Variants in MEF2A observed in about 807,000 individuals in gnomAD.
The protein encoded by MEF2A is myocyte-specific enhancer factor 2A.
Under a neutral mutation model 55.8 loss-of-function variants are expected in MEF2A, and 28 were observed. The observed-to-expected ratio is 0.50, with a 90% CI of 0.37 to 0.69. The LOEUF (loss-of-function observed/expected upper bound fraction) is 0.69, where lower values mean the gene tolerates loss of function less well. Among genes scored for constraint, MEF2A ranks in the 30% least tolerant of loss-of-function variants. MEF2A has a pLI of 0.00. For synonymous variants in MEF2A, 239 were observed against 227.1 expected, an observed-to-expected ratio of 1.05 and a Z score of -0.47; for missense variants, 528 against 626.2, an observed-to-expected ratio of 0.84 and a Z score of 1.67.
intron 2 of MEF2A, among the ~76,000 whole-genome samples, chr15:99,624,163 G>A (rs968151678): frequency 2.6e-5 from 4 of 152,064 alleles, no homozygotes; most frequent in Non-Finnish European, 2.9e-5. Flanking sequence ...TGATAGTGCC[G>A]TTTGATGCAC....
intron 2 of MEF2A, among the ~76,000 whole-genome samples, chr15:99,612,026 G>A (rs2039347139): frequency 6.6e-6 from 1 of 152,166 alleles, no homozygotes; most frequent in Admixed American, 6.5e-5. Flanking sequence ...AGTGGGGAAT[G>A]CCTGCTAATG....
chr15:99,683,833 T>A (rs1211657745), intron 7 of MEF2A, among the ~76,000 whole-genome samples: 1 of 152,036 alleles, frequency 6.6e-6, no homozygotes, highest in Non-Finnish European at 1.5e-5. Flanking sequence ...CTGTACCCAA[T>A]ATGTAGTCTT....
chr15:99,616,412 TC>T (rs1377976374), intron 2 of MEF2A, among the ~76,000 whole-genome samples: 3 of 152,166 alleles, frequency 2.0e-5, no homozygotes, highest in Admixed American at 2.0e-4. Context: ...CTTTAAAATT[TC>T]TTCTGTTTCT....
At chr15:99,711,724 T>G (rs80132761) in intron 11 of MEF2A, among the ~76,000 whole-genome samples, 4,372 of 152,340 alleles carry the variant, frequency 0.029, 99 homozygotes, top group Non-Finnish European at 0.049. Context: ...GTCAGTGGTC[T>G]TCTTAGGAAT....
chr15:99,587,595 T>C (rs1227827548), intron 1 of MEF2A, among the ~76,000 whole-genome samples: 6 of 152,218 alleles, frequency 3.9e-5, no homozygotes, highest in Non-Finnish European at 5.9e-5. Context: ...ATAATTATTT[T>C]TGTATGCCTT....
intron 2 of MEF2A, among the ~76,000 whole-genome samples, chr15:99,601,747 G>A (rs540888509): frequency 3.3e-5 from 5 of 151,390 alleles, no homozygotes; most frequent in African/African-American, 7.3e-5. Flanking sequence ...CTAAAATTGC[G>A]TTGACTCTTT....
intron 3 of MEF2A, among the ~76,000 whole-genome samples, chr15:99,636,144 G>A (rs1472800688): frequency 1.3e-5 from 2 of 152,064 alleles, no homozygotes; most frequent in Non-Finnish European, 2.9e-5. Context: ...TCTAATGAAG[G>A]TGCTCACTTT....
chr15:99,665,040 G>A (rs1347206297), intron 4 of MEF2A, among the ~76,000 whole-genome samples: 1 of 152,180 alleles, frequency 6.6e-6, no homozygotes, highest in African/African-American at 2.4e-5. Flanking sequence ...TATCCACAGG[G>A]TGACAATCAA....
chr15:99,683,580 A>T (rs1290268422), intron 7 of MEF2A, among the ~76,000 whole-genome samples: 4 of 149,398 alleles, frequency 2.7e-5, no homozygotes, highest in East Asian at 2.0e-4. Context: ...CTAATTTAGC[A>T]TTTTTTTTTA....
intron 4 of MEF2A, among the ~76,000 whole-genome samples, chr15:99,669,571 A>G (rs570146586): frequency 1.3e-5 from 2 of 152,368 alleles, no homozygotes; most frequent in Non-Finnish European, 2.9e-5. Context: ...GCCTAGTGCC[A>G]TGGAGAAAAT....
intron 10 of MEF2A, among the ~76,000 whole-genome samples, chr15:99,707,536 G>A (rs559455950): frequency 1.3e-5 from 2 of 152,278 alleles, no homozygotes; most frequent in East Asian, 1.9e-4. Context: ...TACAGTGATC[G>A]TAGGAGTGCT....
At chr15:99,574,841 T>C (rs1200961415) in intron 1 of MEF2A, among the ~76,000 whole-genome samples, 2 of 152,196 alleles carry the variant, frequency 1.3e-5, no homozygotes, top group African/African-American at 4.8e-5. Flanking sequence ...GATGCAAGTT[T>C]ATTTAGTTAA....
chr15:99,675,760 G>A (rs558994836), intron 7 of MEF2A, among the ~76,000 whole-genome samples: 2 of 152,244 alleles, frequency 1.3e-5, no homozygotes, highest in South Asian at 2.1e-4. Context: ...TGTCTTGGCC[G>A]GGCGTCGTGG....
chr15:99,615,666 G>T (rs1392612116), intron 2 of MEF2A, among the ~76,000 whole-genome samples: 2 of 152,164 alleles, frequency 1.3e-5, no homozygotes, highest in African/African-American at 2.4e-5. Flanking sequence ...GCATGCTGCA[G>T]ACCCTGTCCT....
intron 4 of MEF2A, among the ~76,000 whole-genome samples, chr15:99,667,356 G>T (rs963429349): frequency 2.0e-5 from 3 of 152,084 alleles, no homozygotes; most frequent in African/African-American, 7.2e-5. Context: ...GAGTAGCTGG[G>T]ACTACAGGTG....
chr15:99,655,147 G>A (rs1020741929), intron 4 of MEF2A, among the ~76,000 whole-genome samples: 6 of 152,160 alleles, frequency 3.9e-5, no homozygotes, highest in Non-Finnish European at 8.8e-5. Flanking sequence ...GTAATTCAGT[G>A]TGGTATTTGC....
chr15:99,567,858 CTTTAT>C (rs1449360201), intron 1 of MEF2A, among the ~76,000 whole-genome samples: 4 of 152,082 alleles, frequency 2.6e-5, no homozygotes, highest in Non-Finnish European at 5.9e-5. Flanking sequence ...ATAGAATCAC[CTTTAT>C]TTTAATTCTC....
At chr15:99,651,232 G>T (rs377285417) in intron 4 of MEF2A, among the ~76,000 whole-genome samples, 1 of 152,112 alleles carries the variant, frequency 6.6e-6, no homozygotes, top group Admixed American at 6.5e-5. Flanking sequence ...GGGATGAGTC[G>T]GAGGTGGAAT....
intron 8 of MEF2A, among the ~76,000 whole-genome samples, chr15:99,694,914 C>G (rs1437539106): frequency 1.3e-5 from 2 of 151,206 alleles, no homozygotes; most frequent in Admixed American, 6.6e-5. Context: ...TTGCTTTGTT[C>G]TAGCTTCAGC....
Sources: allele counts gnomAD v4.1 joint callset (sites outside exome capture counted in the v4.1 genomes callset), GRCh38; gene constraint gnomAD v4.1.1; transcripts MANE v1.5; gene names NCBI Gene and HGNC (gene_info 2026-07-23, HGNC 2026-07-21).